Variants in NEK10 observed in about 807,000 individuals in gnomAD.
NEK10 encodes the protein serine/threonine-protein kinase Nek10.
NEK10 carries 122 observed loss-of-function variants against 159.8 expected under a neutral mutation model. The ratio of observed to expected loss-of-function variants is 0.76; its 90% CI spans 0.66 to 0.89. The LOEUF is 0.89. Among genes scored for constraint, NEK10 ranks in the 40% least tolerant of loss-of-function variants. NEK10 has a pLI of 0.00. For missense variants in NEK10, 1,342 were observed against 1,323.1 expected (o/e 1.01, Z -0.22); for synonymous variants, 466 against 457.1 (o/e 1.02, Z -0.25).
chr3:27,293,949 G>A (rs548880105), intron 15 of NEK10, among the ~76,000 whole-genome samples: 12 of 152,290 alleles, frequency 7.9e-5, no homozygotes, highest in East Asian at 3.9e-4. Context: ...ATAAAATTCC[G>A]ATGCTGAGAA....
rs1321463154 is a variant in NEK10, at chr3:27,109,027, T to C, written c.*2245A>G. Among the ~76,000 whole-genome samples, 4 of 152,182 alleles carry C rather than the reference T, an allele frequency of 2.6e-5. No individual in the cohort carries two copies. On this transcript the variant is annotated 3_prime_UTR_variant, in exon 36 of 36. Transcript: ENST00000691995. Reference sequence around the variant, plus strand: ...TGTTGTTAAAAAGGACAGCTTCTGCTTACTTAACTTTCACTGACTTCTAGC... The same window carrying C: ...TGTTGTTAAAAAGGACAGCTTCTGCCTACTTAACTTTCACTGACTTCTAGC...
At chr3:27,312,557 TTA>T (rs1057497464) in intron 7 of NEK10, among the ~76,000 whole-genome samples, 1 of 152,176 alleles carries the variant, frequency 6.6e-6, no homozygotes, top group Non-Finnish European at 1.5e-5. Flanking sequence ...GGAGAATTTT[TTA>T]TAATACATTG....
At chr3:27,182,092 C>G (rs187840235) in intron 26 of NEK10, among the ~76,000 whole-genome samples, 1 of 151,946 alleles carries the variant, frequency 6.6e-6, no homozygotes, top group Non-Finnish European at 1.5e-5. Context: ...TACAGAGTTT[C>G]GGTGAGATGG....
chr3:27,332,606 A>T (rs1240379375), intron 5 of NEK10, among the ~76,000 whole-genome samples: 13 of 152,240 alleles, frequency 8.5e-5, no homozygotes, highest in Admixed American at 5.2e-4. Context: ...TTGTTTCACA[A>T]ATACATAATA....
At chr3:27,214,556 TTG>T (rs1491329261) in intron 23 of NEK10, among the ~76,000 whole-genome samples, 290 of 144,142 alleles carry the variant, frequency 2.0e-3, no homozygotes, top group African/African-American at 6.3e-3. Flanking sequence ...TTTCTTTTTT[TTG>T]TTTTTCCTAT....
At chr3:27,229,081 G>T (rs542514659) in intron 23 of NEK10, among the ~76,000 whole-genome samples, 42 of 152,146 alleles carry the variant, frequency 2.8e-4, no homozygotes, top group Non-Finnish European at 5.6e-4. Context: ...AAATACTAGG[G>T]GAAAATTAAA....
At chr3:27,282,326 G>T (rs1195211406) in intron 22 of NEK10, among the ~76,000 whole-genome samples, 1 of 151,582 alleles carries the variant, frequency 6.6e-6, no homozygotes, top group African/African-American at 2.4e-5. Flanking sequence ...AATGATTAAA[G>T]AAAGTAAATA....
Position 27,307,883 on chromosome 3 carries a change from T to C in NEK10, c.779A>G (p.His260Arg), listed in dbSNP as rs544731501. The change falls in exon 11 of 36, where the codon CAT becomes CGT. Residue 260 changes from histidine to arginine, a missense_variant. Physicochemically the swap from His to Arg is conservative, Grantham distance 29. Transcript: ENST00000691995. Reference sequence around the variant, plus strand: ...CCTTTTAGAAAGCAAGTCATATTCATGTAAAATCATCAACAGATTTTCTAC... The same window carrying C: ...CCTTTTAGAAAGCAAGTCATATTCACGTAAAATCATCAACAGATTTTCTAC... ...NIVENLLMILHEYDLLSKRLT... is the reference protein window; with the variant it reads ...NIVENLLMILREYDLLSKRLT... The C allele has an allele frequency of 8.4e-6, 13 of 1,554,914 alleles. No homozygotes were observed. In the Admixed American group the frequency reaches 8.4e-5, roughly 10 times the overall value.
chr3:27,289,157 A>G (rs2042823955), intron 19 of NEK10, among the ~76,000 whole-genome samples: 1 of 152,246 alleles, frequency 6.6e-6, no homozygotes, highest in Admixed American at 6.5e-5. Flanking sequence ...AGAAGAGAGA[A>G]AAAAGCCTGC....
At chr3:27,121,871 G>A (rs7612169) in intron 32 of NEK10, among the ~76,000 whole-genome samples, 4,054 of 152,134 alleles carry the variant, frequency 0.027, 177 homozygotes, top group African/African-American at 0.092. Flanking sequence ...GGTGGTGGTC[G>A]TATGGGTGAA....
intron 29 of NEK10, among the ~76,000 whole-genome samples, chr3:27,166,426 G>T (rs1424765160): frequency 6.6e-6 from 1 of 152,174 alleles, no homozygotes; most frequent in Non-Finnish European, 1.5e-5. Flanking sequence ...GTTGGAGTGA[G>T]ACATTAGCAG....
chr3:27,134,125 CAA>C (rs1384609691), intron 31 of NEK10, among the ~76,000 whole-genome samples: 1 of 151,680 alleles, frequency 6.6e-6, no homozygotes, highest in African/African-American at 2.4e-5. Flanking sequence ...AGGAGCAAAT[CAA>C]AGACAGATGA....
intron 22 of NEK10, among the ~76,000 whole-genome samples, chr3:27,261,380 A>T (rs1293644438): frequency 6.6e-6 from 1 of 152,132 alleles, no homozygotes; most frequent in Non-Finnish European, 1.5e-5. Context: ...ATTTCCCTCT[A>T]CACACTGCTT....
intron 23 of NEK10, among the ~76,000 whole-genome samples, chr3:27,203,738 G>A (rs1001911351): frequency 3.4e-5 from 5 of 148,220 alleles, no homozygotes; most frequent in African/African-American, 9.8e-5. Context: ...ATCAAGACAG[G>A]TATACATCAG....
intron 23 of NEK10, among the ~76,000 whole-genome samples, chr3:27,226,264 C>G (rs1279862338): frequency 6.6e-6 from 1 of 150,790 alleles, no homozygotes; most frequent in Non-Finnish European, 1.5e-5. Flanking sequence ...CCAGGATGGT[C>G]TAGATCTCCT....
At chr3:27,120,750 CA>C (rs1030404180) in intron 32 of NEK10, among the ~76,000 whole-genome samples, 10 of 152,148 alleles carry the variant, frequency 6.6e-5, no homozygotes, top group African/African-American at 2.4e-4. Context: ...ATTAAAGTTT[CA>C]ATCATTTAAT....
intron 23 of NEK10, among the ~76,000 whole-genome samples, chr3:27,220,993 T>C (rs1575321691): frequency 6.6e-6 from 1 of 152,200 alleles, no homozygotes; most frequent in East Asian, 1.9e-4. Context: ...GTTGGAACCT[T>C]ACCTCATACC....
chr3:27,171,385 G>A (rs572962180), intron 29 of NEK10, among the ~76,000 whole-genome samples: 2 of 152,244 alleles, frequency 1.3e-5, no homozygotes, highest in Admixed American at 1.3e-4. Flanking sequence ...AGGAAGAGGG[G>A]TGTCTCTACT....
At position 27,340,443 on chromosome 3, in the gene NEK10, G is replaced by A. The variant is rs370617140; in HGVS notation, c.362+3829C>T. Among the ~76,000 whole-genome samples, 81 of 152,204 alleles carry A rather than the reference G, an allele frequency of 5.3e-4. 2 individuals are homozygous for A. In the South Asian group the frequency reaches 9.5e-3, roughly 18 times the overall value. On this transcript the variant is annotated intron_variant, in intron 5 of 35. Transcript: ENST00000691995. Reference sequence around the variant, plus strand: ...AAACCTAGACAACGGGTGGATAGGTGCAGCAAACCACCATGGCACATGTAT... The same window carrying A: ...AAACCTAGACAACGGGTGGATAGGTACAGCAAACCACCATGGCACATGTAT...
Sources: gnomAD v4.1 joint callset for allele counts (sites outside exome capture counted in the v4.1 genomes callset) on GRCh38, gnomAD v4.1.1 for gene constraint, MANE v1.5 for transcripts, NCBI Gene and HGNC (gene_info 2026-07-23, HGNC 2026-07-21) for gene names.